RARB: variants seen among roughly 807,000 people sequenced by gnomAD.
RARB encodes the protein retinoic acid receptor beta, also known as HBV-activated protein.
A neutral mutation model predicts 51.9 loss-of-function variants in RARB; 17 were observed. The ratio of observed to expected loss-of-function variants is 0.33; its 90% CI spans 0.22 to 0.49. The LOEUF (loss-of-function observed/expected upper bound fraction) is 0.49. Ranked by LOEUF, RARB falls within the 20% of genes least tolerant of loss-of-function variation. The pLI, the probability that RARB is intolerant of heterozygous loss-of-function variation, is 0.99. For missense variants in RARB, 369 were observed against 550.8 expected (o/e 0.67, Z 3.30); for synonymous variants, 215 against 195.4 (o/e 1.10, Z -0.84).
chr3:24,869,239 T>C (rs1226003567), intron 2 of RARB, among the ~76,000 whole-genome samples: 2 of 152,160 alleles, frequency 1.3e-5, no homozygotes, highest in African/African-American at 2.4e-5. Context: ...TTTTTCATAA[T>C]GTGTCTTAAG....
intron 2 of RARB, among the ~76,000 whole-genome samples, chr3:25,467,040 A>G (rs1575431065): frequency 6.6e-6 from 1 of 152,276 alleles, no homozygotes; most frequent in Non-Finnish European, 1.5e-5. Context: ...GTTCATGTCC[A>G]CCTGCCCAGG....
At chr3:25,440,258 C>T (rs1167146041) in intron 1 of RARB, among the ~76,000 whole-genome samples, 1 of 151,714 alleles carries the variant, frequency 6.6e-6, no homozygotes, top group African/African-American at 2.4e-5. Context: ...TTGAGACCAG[C>T]CTAGGCAACA....
chr3:25,174,989 A>G (rs1045721835), intron 5 of RARB, among the ~76,000 whole-genome samples: 1 of 152,166 alleles, frequency 6.6e-6, no homozygotes, highest in Non-Finnish European at 1.5e-5. Context: ...TGAATCTTTT[A>G]CTTGTTTCCT....
intron 5 of RARB, among the ~76,000 whole-genome samples, chr3:25,396,787 T>C (rs1465487051): frequency 6.6e-6 from 1 of 152,070 alleles, no homozygotes; most frequent in Non-Finnish European, 1.5e-5. Flanking sequence ...GCCTCTGCTG[T>C]GTCATACAGG....
At chr3:25,122,139 C>A (rs1699794183) in intron 3 of RARB, among the ~76,000 whole-genome samples, 1 of 152,248 alleles carries the variant, frequency 6.6e-6, no homozygotes, top group South Asian at 2.1e-4. Flanking sequence ...TCACACTACA[C>A]CCCTTTCAAT....
intron 3 of RARB, among the ~76,000 whole-genome samples, chr3:25,126,636 T>C (rs545348155): frequency 2.0e-5 from 3 of 152,228 alleles, no homozygotes; most frequent in Middle Eastern, 3.4e-3. Flanking sequence ...TCCAGCCAGG[T>C]GATGCAGTGC....
intron 3 of RARB, among the ~76,000 whole-genome samples, chr3:25,092,799 C>T (rs536555804): frequency 4.3e-4 from 66 of 152,222 alleles, no homozygotes; most frequent in Non-Finnish European, 8.8e-4. Flanking sequence ...GTCACCTGAA[C>T]ATGAGTTTCA....
intron 2 of RARB, among the ~76,000 whole-genome samples, chr3:24,919,723 G>A (rs1330574848): frequency 1.3e-5 from 2 of 152,186 alleles, no homozygotes; most frequent in African/African-American, 4.8e-5. Context: ...CCAGAACAAT[G>A]TGCTCTTCTA....
chr3:25,286,541 CTTCA>C (rs2125419114), intron 5 of RARB, among the ~76,000 whole-genome samples: 1 of 152,278 alleles, frequency 6.6e-6, no homozygotes, highest in African/African-American at 2.4e-5. Flanking sequence ...GTTGAATTGA[CTTCA>C]TTCATCATTA....
At chr3:25,465,554 G>A (rs1000352645) in intron 2 of RARB, among the ~76,000 whole-genome samples, 7 of 152,168 alleles carry the variant, frequency 4.6e-5, no homozygotes, top group East Asian at 3.8e-4. Context: ...CCTAGGGACT[G>A]GGTGACAGTC....
intron 2 of RARB, among the ~76,000 whole-genome samples, chr3:25,040,187 T>C (rs987304443): frequency 6.6e-6 from 1 of 152,134 alleles, no homozygotes; most frequent in African/African-American, 2.4e-5. Context: ...GTGAAGCTCT[T>C]TGGGGAACAA....
intron 5 of RARB, among the ~76,000 whole-genome samples, chr3:25,240,084 T>G (rs1419395982): frequency 6.6e-6 from 1 of 152,062 alleles, no homozygotes; most frequent in African/African-American, 2.4e-5. Context: ...TTTGTTTGTT[T>G]GTTTTTGTAA....
intron 5 of RARB, among the ~76,000 whole-genome samples, chr3:25,351,081 G>A (rs1705554907): frequency 6.6e-6 from 1 of 152,160 alleles, no homozygotes; most frequent in African/African-American, 2.4e-5. Context: ...AGCATCTGGT[G>A]CAGCGCTATA....
chr3:25,568,271 T>C (rs938874641), intron 3 of RARB, among the ~76,000 whole-genome samples: 5 of 152,198 alleles, frequency 3.3e-5, no homozygotes, highest in East Asian at 1.9e-4. Flanking sequence ...AGGAAGGAAC[T>C]TCTCAACCAC....
chr3:24,881,747 G>A (rs1179131695), intron 2 of RARB, among the ~76,000 whole-genome samples: 2 of 152,150 alleles, frequency 1.3e-5, no homozygotes, highest in East Asian at 3.9e-4. Flanking sequence ...GATGGCTGTG[G>A]CAGGTGGTAG....
intron 1 of RARB, among the ~76,000 whole-genome samples, chr3:24,857,152 G>A (rs1466152398): frequency 1.3e-5 from 2 of 152,158 alleles, no homozygotes; most frequent in African/African-American, 4.8e-5. Flanking sequence ...AATCAAGGAT[G>A]TTGCCATTTA....
intron 5 of RARB, among the ~76,000 whole-genome samples, chr3:25,206,100 A>G (rs971364831): frequency 1.3e-5 from 2 of 152,186 alleles, no homozygotes; most frequent in South Asian, 2.1e-4. Context: ...GTTTTTTGGA[A>G]CATAACCTCA....
chr3:25,287,962 AGT>A (rs1240074922), intron 5 of RARB, among the ~76,000 whole-genome samples: 1 of 152,084 alleles, frequency 6.6e-6, no homozygotes, highest in East Asian at 1.9e-4. Flanking sequence ...AAAGGGGAGG[AGT>A]GGAAGAAACT....
chr3:24,897,406 T>C (rs1703500023), intron 2 of RARB, among the ~76,000 whole-genome samples: 1 of 152,200 alleles, frequency 6.6e-6, no homozygotes, highest in Admixed American at 6.5e-5. Context: ...TTGTCTGAAT[T>C]ACACTTTTGC....
Sources: gnomAD v4.1 joint callset for allele counts (sites outside exome capture counted in the v4.1 genomes callset) on GRCh38, gnomAD v4.1.1 for gene constraint, MANE v1.5 for transcripts, NCBI Gene and HGNC (gene_info 2026-07-23, HGNC 2026-07-21) for gene names.